Variants in SOX5 observed in about 807,000 individuals in gnomAD.
SOX5 encodes SRY-box transcription factor 5, also known as transcription factor SOX-5.
Under a neutral mutation model 92.0 loss-of-function variants are expected in SOX5, and 9 were observed. The ratio of observed to expected loss-of-function variants is 0.10; its 90% confidence interval spans 0.06 to 0.17. The LOEUF (loss-of-function observed/expected upper bound fraction) is 0.17. SOX5 is among the 10% of genes least tolerant of loss of function. The probability of loss-of-function intolerance (pLI) is 1.00; values close to 1 mark genes in which losing one functional copy is unlikely to be tolerated. For missense variants in SOX5, 642 were observed against 944.5 expected, an observed-to-expected ratio of 0.68 and a Z score of 4.20; for synonymous variants, 344 against 336.3, an observed-to-expected ratio of 1.02 and a Z score of -0.25.
At chr12:23,965,321 G>A (rs907939170) in intron 4 of SOX5, among the ~76,000 whole-genome samples, 2 of 152,180 alleles carry the variant, frequency 1.3e-5, no homozygotes, top group Admixed American at 6.5e-5. Flanking sequence ...CTACGTTTGA[G>A]GCGAAGGCTT....
At chr12:24,475,589 G>C (rs1311754055) in intron 1 of SOX5, among the ~76,000 whole-genome samples, 1 of 152,156 alleles carries the variant, frequency 6.6e-6, no homozygotes, top group Non-Finnish European at 1.5e-5. Flanking sequence ...CACTGTACTG[G>C]AACAATGAGT....
At position 24,198,818 on chromosome 12, in the gene SOX5, C is replaced by G. The variant is rs565483987; in HGVS notation, c.-2+14525G>C. 9.5e-4 allele frequency among the ~76,000 whole-genome samples: 145 copies of G among 152,268 alleles called. 1 individual carries two copies. Among genetic ancestry groups the G allele is most frequent in the Non-Finnish European group, 1.7e-3 (119 of 68,018 alleles). ...GTATGAGGTCACTACACTTTTAATTCCTGCAGGGCAAATGTAGAGTATTCA... is the reference window on the plus strand; with the variant it reads ...GTATGAGGTCACTACACTTTTAATTGCTGCAGGGCAAATGTAGAGTATTCA... On this transcript the variant is annotated intron_variant, in intron 4 of 4. Transcript: ENST00000446891.
chr12:23,951,829 G>T (rs1945690414), upstream of SOX5, among the ~76,000 whole-genome samples: 1 of 151,986 alleles, frequency 6.6e-6, no homozygotes, highest in African/African-American at 2.4e-5. Context: ...GGGGAAGGGG[G>T]GAAGAATATT....
At chr12:24,365,574 G>T (rs575581120) in intron 2 of SOX5, among the ~76,000 whole-genome samples, 1 of 150,782 alleles carries the variant, frequency 6.6e-6, no homozygotes, top group Non-Finnish European at 1.5e-5. Flanking sequence ...TCATCAACAT[G>T]TTCCAAAATA....
chr12:24,541,030 T>G (rs895635840), intron 1 of SOX5, among the ~76,000 whole-genome samples: 1 of 152,212 alleles, frequency 6.6e-6, no homozygotes, highest in Admixed American at 6.5e-5. Flanking sequence ...CCTATTTTCA[T>G]TGTCAGATAT....
At chr12:23,568,235 G>C (rs1212610453) in intron 10 of SOX5, among the ~76,000 whole-genome samples, 2 of 152,124 alleles carry the variant, frequency 1.3e-5, no homozygotes, top group East Asian at 3.9e-4. Context: ...TATGAGCCAG[G>C]ACTGTCAGCA....
chr12:24,068,704 G>GTGTGTGTA (rs1444359956), intron 4 of SOX5, among the ~76,000 whole-genome samples: 13 of 74,316 alleles, frequency 1.7e-4, no homozygotes, highest in African/African-American at 6.2e-4. Flanking sequence ...GTGTGTGTGT[G>GTGTGTGTA]TATATATATA....
At chr12:23,601,237 T>C (rs1192038290) in intron 9 of SOX5, among the ~76,000 whole-genome samples, 1 of 152,136 alleles carries the variant, frequency 6.6e-6, no homozygotes, top group Admixed American at 6.5e-5. Context: ...GATTTCCCCC[T>C]TCCATTTTTT....
chr12:23,912,513 T>C (rs943115467), intron 1 of SOX5, among the ~76,000 whole-genome samples: 4 of 152,134 alleles, frequency 2.6e-5, no homozygotes, highest in Admixed American at 1.3e-4. Context: ...TGAAAACATA[T>C]GTCCATGCAA....
At chr12:24,320,551 A>G (rs977975513) in intron 2 of SOX5, among the ~76,000 whole-genome samples, 1 of 152,156 alleles carries the variant, frequency 6.6e-6, no homozygotes, top group Non-Finnish European at 1.5e-5. Flanking sequence ...ATCTGAGCAC[A>G]TTTTGAAGAT....
At chr12:23,636,707 C>T (rs900192302) in intron 8 of SOX5, among the ~76,000 whole-genome samples, 1 of 152,142 alleles carries the variant, frequency 6.6e-6, no homozygotes, top group Non-Finnish European at 1.5e-5. Flanking sequence ...CCTGCTACTT[C>T]TTTCATTATT....
chr12:23,651,739 T>C (rs1393953335), intron 7 of SOX5, among the ~76,000 whole-genome samples: 1 of 151,840 alleles, frequency 6.6e-6, no homozygotes, highest in East Asian at 1.9e-4. Flanking sequence ...GTAGAAAAGA[T>C]GCGAGAAGCC....
intron 4 of SOX5, among the ~76,000 whole-genome samples, chr12:23,989,093 G>A (rs1233121919): frequency 6.6e-6 from 1 of 151,966 alleles, no homozygotes; most frequent in East Asian, 1.9e-4. Context: ...AGTGGCTTAG[G>A]CCACGTGCGT....
intron 4 of SOX5, among the ~76,000 whole-genome samples, chr12:24,047,655 T>C (rs909007043): frequency 7.9e-5 from 12 of 152,202 alleles, no homozygotes; most frequent in Non-Finnish European, 1.6e-4. Flanking sequence ...AAATCATAAA[T>C]GGTTTATTTC....
intron 10 of SOX5, among the ~76,000 whole-genome samples, chr12:23,572,527 T>C (rs1040267115): frequency 5.3e-5 from 8 of 152,064 alleles, no homozygotes; most frequent in Non-Finnish European, 1.0e-4. Context: ...TTCTTGCCTT[T>C]CTAAAATACT....
intron 4 of SOX5, among the ~76,000 whole-genome samples, chr12:24,063,347 T>G (rs573282077): frequency 6.6e-6 from 1 of 152,208 alleles, no homozygotes; most frequent in Non-Finnish European, 1.5e-5. Flanking sequence ...AATGAACAGA[T>G]AGACAACAAT....
intron 3 of SOX5, among the ~76,000 whole-genome samples, chr12:23,815,920 C>A (rs368823189): frequency 3.3e-5 from 5 of 152,208 alleles, no homozygotes; most frequent in African/African-American, 1.2e-4. Flanking sequence ...ACTACTCAAC[C>A]CTACCATTGT....
chr12:24,441,333 G>T (rs1940544681), intron 1 of SOX5, among the ~76,000 whole-genome samples: 1 of 151,928 alleles, frequency 6.6e-6, no homozygotes, highest in South Asian at 2.1e-4. Context: ...TCCTCCTACG[G>T]TCCACCTAAT....
chr12:24,247,356 G>C (rs1470401906), intron 3 of SOX5, among the ~76,000 whole-genome samples: 1 of 152,186 alleles, frequency 6.6e-6, no homozygotes, highest in African/African-American at 2.4e-5. Context: ...CAGAGTGAGG[G>C]AAGGTTTCCT....
Sources: allele counts gnomAD v4.1 joint callset (sites outside exome capture counted in the v4.1 genomes callset), GRCh38; gene constraint gnomAD v4.1.1; transcripts MANE v1.5; gene names NCBI Gene and HGNC (gene_info 2026-07-23, HGNC 2026-07-21).